NTM: variants seen among roughly 807,000 people sequenced by gnomAD.
The protein encoded by NTM is IgLON family member 2.
A neutral mutation model predicts 42.1 loss-of-function variants in NTM; 13 were observed. That is an observed-to-expected ratio of 0.31 (90% CI 0.20 to 0.49). The LOEUF is 0.49. NTM is among the 20% of genes least tolerant of loss of function. NTM has a pLI of 0.99. For synonymous variants in NTM, 187 were observed against 179.2 expected (o/e 1.04, Z -0.35); for missense variants, 373 against 452.8 (o/e 0.82, Z 1.60).
chr11:132,169,624 G>T (rs1014637583), intron 3 of NTM, among the ~76,000 whole-genome samples: 3 of 151,950 alleles, frequency 2.0e-5, no homozygotes, highest in Admixed American at 6.6e-5. Context: ...GTGAACCACT[G>T]TGCCGGGCCA....
intron 1 of NTM, among the ~76,000 whole-genome samples, chr11:131,484,754 C>T (rs1953977066): frequency 6.6e-6 from 1 of 152,174 alleles, no homozygotes; most frequent in Non-Finnish European, 1.5e-5. Flanking sequence ...GCATGCTCTT[C>T]CTTCATTCAC....
At chr11:131,965,204 A>G (rs911188408) in intron 2 of NTM, among the ~76,000 whole-genome samples, 2 of 152,142 alleles carry the variant, frequency 1.3e-5, no homozygotes, top group Admixed American at 6.5e-5. Context: ...CAGGAGGAAC[A>G]TATACAGAAG....
At chr11:132,039,316 C>T (rs1443038034) in intron 2 of NTM, among the ~76,000 whole-genome samples, 1 of 152,072 alleles carries the variant, frequency 6.6e-6, no homozygotes, top group Non-Finnish European at 1.5e-5. Context: ...CTGCCTGTTA[C>T]TCCCTGCTTG....
At chr11:131,545,905 G>A (rs963102399) in intron 1 of NTM, among the ~76,000 whole-genome samples, 10 of 152,238 alleles carry the variant, frequency 6.6e-5, no homozygotes, top group African/African-American at 2.2e-4. Context: ...TGGCTGGGAG[G>A]GTTACAGTGA....
At chr11:131,572,255 G>A (rs1157581888) in intron 1 of NTM, among the ~76,000 whole-genome samples, 3 of 152,148 alleles carry the variant, frequency 2.0e-5, no homozygotes, top group South Asian at 2.1e-4. Context: ...GTGCCCTGAT[G>A]TACAAGGGGA....
chr11:132,293,303 C>T lies in NTM; in HGVS notation c.527-14386C>T, dbSNP rs143895492. On this transcript the variant is annotated intron_variant, in intron 4 of 8. Transcript: ENST00000683400. The stretch of plus-strand genomic sequence containing the variant: ...CAGAAGTTTAACTGGAAAACAAAGA[C>T]ACCAACCAACAAAAAAATATGTGCG... Among the ~76,000 whole-genome samples, 55 of 152,246 alleles carry T rather than the reference C, an allele frequency of 3.6e-4. No individual in the cohort carries two copies. The East Asian group carries it at 9.7e-3, about 27-fold the overall frequency.
chr11:132,073,384 T>C (rs958503840), intron 2 of NTM, among the ~76,000 whole-genome samples: 1 of 152,218 alleles, frequency 6.6e-6, no homozygotes, highest in African/African-American at 2.4e-5. Context: ...TGTAATGATT[T>C]GGTGGTGTAA....
At chr11:132,096,790 A>T (rs1335172738) in intron 2 of NTM, among the ~76,000 whole-genome samples, 1 of 152,140 alleles carries the variant, frequency 6.6e-6, no homozygotes, top group East Asian at 1.9e-4. Context: ...ATAAATCATC[A>T]TGCAGTTTTT....
chr11:131,370,784 GA>G lies in NTM; in HGVS notation c.-18del. On this transcript the variant is annotated 5_prime_UTR_variant, in exon 1 of 9. Transcript: ENST00000683400. ...AAAAACCGAACCTGACAAAAAAGAA[GA>G]AAAAGAAGAAGAAAAAAAATCATGA... 1 of 1,601,636 alleles carries G rather than the reference GA, an allele frequency of 6.2e-7. No homozygotes were observed. The highest frequency in any genetic ancestry group is 8.5e-7 in the Non-Finnish European group (1 of 1,172,428).
At chr11:132,226,018 C>T (rs1231253838) in intron 4 of NTM, among the ~76,000 whole-genome samples, 1 of 152,132 alleles carries the variant, frequency 6.6e-6, no homozygotes, top group Non-Finnish European at 1.5e-5. Context: ...CAGCTTCATC[C>T]ATGTCCCTAC....
intron 1 of NTM, among the ~76,000 whole-genome samples, chr11:131,781,385 G>T (rs1391256823): frequency 2.0e-5 from 3 of 151,452 alleles, no homozygotes; most frequent in African/African-American, 7.3e-5. Flanking sequence ...ATAAATAATT[G>T]TTTCCTCAGT....
At chr11:131,916,499 A>T (rs768253573) in intron 2 of NTM, among the ~76,000 whole-genome samples, 1 of 152,170 alleles carries the variant, frequency 6.6e-6, no homozygotes, top group Non-Finnish European at 1.5e-5. Flanking sequence ...AGGTCTGAGA[A>T]ATGTATGTAA....
intron 1 of NTM, among the ~76,000 whole-genome samples, chr11:131,588,125 C>CAGAG (rs56068435): frequency 0.88 from 133,714 of 152,308 alleles, 60,566 homozygotes; most frequent in Non-Finnish European, 0.98. Context: ...AACCGAGGCA[C>CAGAG]AGATTATTGT....
intron 4 of NTM, among the ~76,000 whole-genome samples, chr11:132,269,982 C>CCT (rs2093400693): frequency 6.6e-6 from 1 of 152,138 alleles, no homozygotes; most frequent in African/African-American, 2.4e-5. Flanking sequence ...AAATATAAAA[C>CCT]CTCTCCATCG....
chr11:131,503,476 C>T (rs117691475), intron 1 of NTM, among the ~76,000 whole-genome samples: 22 of 151,702 alleles, frequency 1.5e-4, no homozygotes, highest in South Asian at 1.0e-3. Flanking sequence ...ACCAGGAAAA[C>T]GGACTGGGAT....
intron 1 of NTM, among the ~76,000 whole-genome samples, chr11:131,754,351 G>T (rs189576527): frequency 1.3e-5 from 2 of 152,212 alleles, no homozygotes; most frequent in Admixed American, 6.5e-5. Context: ...GGGGCTGGGC[G>T]TGGTGGTGTG....
chr11:131,680,469 C>CTG (rs370862745), intron 1 of NTM, among the ~76,000 whole-genome samples: 11 of 47,076 alleles, frequency 2.3e-4, no homozygotes, highest in Admixed American at 2.8e-4. Context: ...CTGTGAGTGC[C>CTG]TGTGTGTGTG....
intron 2 of NTM, among the ~76,000 whole-genome samples, chr11:132,098,373 G>A (rs1252697523): frequency 1.3e-5 from 2 of 152,214 alleles, no homozygotes; most frequent in African/African-American, 4.8e-5. Flanking sequence ...AATCTTTTGT[G>A]TGAAGAGCCT....
At chr11:131,626,048 G>T (rs1394109849) in intron 1 of NTM, among the ~76,000 whole-genome samples, 1 of 151,810 alleles carries the variant, frequency 6.6e-6, no homozygotes, top group Non-Finnish European at 1.5e-5. Context: ...TTTTTTTTGT[G>T]AATATATGCC....
Sources: allele counts gnomAD v4.1 joint callset (sites outside exome capture counted in the v4.1 genomes callset), GRCh38; gene constraint gnomAD v4.1.1; transcripts MANE v1.5; gene names NCBI Gene and HGNC (gene_info 2026-07-23, HGNC 2026-07-21).